Variants in EHBP1 observed in about 807,000 individuals in gnomAD.
EHBP1 encodes EH domain binding protein 1.
In EHBP1, 55 loss-of-function variants were observed where a neutral mutation model predicts 144.0. The observed-to-expected ratio is 0.38, with a 90% confidence interval of 0.31 to 0.48. The LOEUF (loss-of-function observed/expected upper bound fraction) is 0.48. Ranked by LOEUF, EHBP1 falls within the 20% of genes least tolerant of loss-of-function variation. The pLI is 0.98. For synonymous variants in EHBP1, 469 were observed against 472.7 expected (o/e 0.99, Z 0.10); for missense variants, 1,200 against 1,364.2 (o/e 0.88, Z 1.90).
At chr2:62,999,288 A>G (rs1406423100) in intron 19 of EHBP1, among the ~76,000 whole-genome samples, 1 of 152,134 alleles carries the variant, frequency 6.6e-6, no homozygotes, top group Non-Finnish European at 1.5e-5. Context: ...CAGTTTTTAT[A>G]TACTTGTAGA....
chr2:62,862,331 G>A (rs1355974114), intron 8 of EHBP1, among the ~76,000 whole-genome samples: 6 of 152,132 alleles, frequency 3.9e-5, no homozygotes, highest in Non-Finnish European at 7.4e-5. Flanking sequence ...GTCATTGGCC[G>A]GGCATGGTGG....
intron 2 of EHBP1, among the ~76,000 whole-genome samples, chr2:62,711,244 G>C (rs1331973087): frequency 6.6e-6 from 1 of 152,162 alleles, no homozygotes; most frequent in Non-Finnish European, 1.5e-5. Flanking sequence ...TAAGTGTACA[G>C]TTCAGTGAGT....
chr2:62,975,193 C>T lies in EHBP1; in HGVS notation c.2461-3995C>T, dbSNP rs892507264. On this transcript the variant is annotated intron_variant, in intron 14 of 22. Coordinates refer to ENST00000431489, the MANE Select transcript of EHBP1 (RefSeq NM_001142616.3). ...GCACCTACATGTAACTTAGTCCTCT[C>T]GCTATATGACTGCTGGGTTCCCAGA... Among the ~76,000 whole-genome samples, 16 of 152,138 alleles carry T rather than the reference C, an allele frequency of 1.1e-4. No individual in the cohort carries two copies. In the East Asian group the frequency reaches 2.1e-3, roughly 20 times the overall value.
intron 1 of EHBP1, among the ~76,000 whole-genome samples, chr2:62,700,583 G>T (rs2034252026): frequency 1.3e-5 from 2 of 152,140 alleles, no homozygotes; most frequent in Non-Finnish European, 2.9e-5. Context: ...TGGTCTGGTG[G>T]CTGTGCAGTG....
At chr2:63,006,645 A>G (rs1256047121) in intron 19 of EHBP1, among the ~76,000 whole-genome samples, 1 of 151,908 alleles carries the variant, frequency 6.6e-6, no homozygotes, top group Non-Finnish European at 1.5e-5. Context: ...TTCCATTTTC[A>G]TTCAGAGTGG....
At chr2:62,998,173 A>G (rs952341807) in intron 19 of EHBP1, among the ~76,000 whole-genome samples, 7 of 152,298 alleles carry the variant, frequency 4.6e-5, no homozygotes, top group Admixed American at 2.6e-4. Flanking sequence ...CCAGAGCCCT[A>G]TCATACGGGA....
intron 19 of EHBP1, among the ~76,000 whole-genome samples, 186 bp from the exon 20 acceptor site, chr2:63,037,349 G>T (rs1036393358): frequency 1.3e-5 from 2 of 151,888 alleles, no homozygotes; most frequent in African/African-American, 2.4e-5. Context: ...TATGCATGCC[G>T]AATAATACCA....
In EHBP1 at chr2:62,949,036, A is replaced by G; in HGVS notation, c.2190A>G (p.Gly730=). ...KTSLSPTSKL[G]YSYSRDLDLA... ...GTTTATCTCCTACTTCTAAACTTGGATACTCATATAGTAGAGATCTAGACC... is the reference window on the plus strand; with the variant it reads ...GTTTATCTCCTACTTCTAAACTTGGGTACTCATATAGTAGAGATCTAGACC... Residue 730 remains glycine (G), a synonymous_variant, in exon 13 of 23, where the codon GGA becomes GGG. Coordinates refer to ENST00000431489, the MANE Select transcript of EHBP1 (RefSeq NM_001142616.3). The G allele has an allele frequency of 6.2e-7, 1 of 1,613,890 alleles. No homozygotes were observed. Among genetic ancestry groups the G allele is most frequent in the Non-Finnish European group, 8.5e-7 (1 of 1,179,922 alleles).
At chr2:62,707,374 T>C (rs1167922987) in intron 2 of EHBP1, 79 bp downstream of exon 2, 4 of 1,040,552 alleles carry the variant, frequency 3.8e-6, no homozygotes, top group Non-Finnish European at 6.0e-6. Flanking sequence ...CTTCTGATAG[T>C]ATATTTACCT....
At chr2:62,873,191 G>T (rs1168983926) in intron 9 of EHBP1, among the ~76,000 whole-genome samples, 1 of 152,110 alleles carries the variant, frequency 6.6e-6, no homozygotes, top group Non-Finnish European at 1.5e-5. Context: ...AAGAGAAAGA[G>T]TCAGGAGACA....
At chr2:62,975,139 G>A (rs899014911) in intron 14 of EHBP1, among the ~76,000 whole-genome samples, 42 of 152,144 alleles carry the variant, frequency 2.8e-4, no homozygotes, top group Admixed American at 1.0e-3. Flanking sequence ...ATGACTGAAG[G>A]CTGAATTTGG....
At chr2:62,760,455 A>G (rs1275439136) in intron 3 of EHBP1, among the ~76,000 whole-genome samples, 2 of 152,184 alleles carry the variant, frequency 1.3e-5, no homozygotes, top group African/African-American at 4.8e-5. Context: ...GTCTCCTTTT[A>G]TTAATCATAA....
At chr2:62,803,558 G>C (rs1009864257) in intron 5 of EHBP1, among the ~76,000 whole-genome samples, 1 of 152,154 alleles carries the variant, frequency 6.6e-6, no homozygotes, top group Non-Finnish European at 1.5e-5. Flanking sequence ...AATTAGTGAT[G>C]TTGAGCATCT....
chr2:62,714,659 C>T (rs898352988), intron 2 of EHBP1, among the ~76,000 whole-genome samples: 1 of 152,004 alleles, frequency 6.6e-6, no homozygotes, highest in Non-Finnish European at 1.5e-5. Flanking sequence ...AAAATTTTAC[C>T]CATTGTTGTT....
intron 10 of EHBP1, among the ~76,000 whole-genome samples, chr2:62,877,746 CAAAT>C (rs1198857956): frequency 1.3e-5 from 2 of 152,040 alleles, no homozygotes; most frequent in African/African-American, 4.8e-5. Context: ...TTTGGGTAAA[CAAAT>C]AAGGCAGAAA....
chr2:62,683,063 G>A (rs572531080), intron 1 of EHBP1, among the ~76,000 whole-genome samples: 20 of 152,182 alleles, frequency 1.3e-4, no homozygotes, highest in African/African-American at 4.6e-4. Flanking sequence ...CTAAGCAAAG[G>A]GAATTTATTG....
chr2:62,920,026 TC>T (rs1558914779), intron 10 of EHBP1, among the ~76,000 whole-genome samples: 1 of 152,122 alleles, frequency 6.6e-6, no homozygotes, highest in Admixed American at 6.5e-5. Context: ...ATTTTGGGAT[TC>T]CCGGGAGTGG....
chr2:62,765,131 C>G (rs1466882170), intron 4 of EHBP1, among the ~76,000 whole-genome samples: 1 of 152,020 alleles, frequency 6.6e-6, no homozygotes, highest in Non-Finnish European at 1.5e-5. Context: ...TTGAATTACG[C>G]TAGAAGCAAT....
chr2:62,905,438 A>G (rs1036753275), intron 10 of EHBP1, among the ~76,000 whole-genome samples: 4 of 152,196 alleles, frequency 2.6e-5, no homozygotes, highest in Non-Finnish European at 5.9e-5. Context: ...TAGACCATGC[A>G]ATGCCTTTGA....
Sources: gnomAD v4.1 joint callset for allele counts (sites outside exome capture counted in the v4.1 genomes callset) on GRCh38, gnomAD v4.1.1 for gene constraint, MANE v1.5 for transcripts, NCBI Gene and HGNC (gene_info 2026-07-23, HGNC 2026-07-21) for gene names.